Variants in THRB observed in about 807,000 individuals in gnomAD.
THRB encodes the protein nuclear receptor subfamily 1 group A member 2.
THRB carries 12 observed loss-of-function variants against 47.8 expected under a neutral mutation model. The ratio of observed to expected loss-of-function variants is 0.25; its 90% CI spans 0.16 to 0.41. The LOEUF (loss-of-function observed/expected upper bound fraction) is 0.41. Ranked by LOEUF, THRB falls within the 10% of genes least tolerant of loss-of-function variation. The pLI, the probability that THRB is intolerant of heterozygous loss-of-function variation, is 1.00. For synonymous variants in THRB, 218 were observed against 212.2 expected, an observed-to-expected ratio of 1.03 and a Z score of -0.24; for missense variants, 348 against 589.2, an observed-to-expected ratio of 0.59 and a Z score of 4.24.
chr3:24,461,931 A>C (rs1361189645), intron 1 of THRB, among the ~76,000 whole-genome samples: 1 of 152,208 alleles, frequency 6.6e-6, no homozygotes, highest in East Asian at 1.9e-4. Context: ...TTTAAAGAAT[A>C]ATATTCAATG....
intron 8 of THRB, among the ~76,000 whole-genome samples, chr3:24,138,597 C>G (rs2035009518): frequency 1.3e-5 from 2 of 152,194 alleles, no homozygotes; most frequent in Admixed American, 1.3e-4. Context: ...CCTTGGCTGT[C>G]TGGTTCCAAT....
intron 3 of THRB, among the ~76,000 whole-genome samples, chr3:24,282,743 TAAA>T (rs2054758627): frequency 6.7e-6 from 1 of 149,014 alleles, no homozygotes; most frequent in African/African-American, 2.6e-5. Context: ...TAAAAAATGA[TAAA>T]GAGGATATCA....
chr3:24,135,468 G>A (rs954068020), intron 8 of THRB, among the ~76,000 whole-genome samples: 6 of 151,936 alleles, frequency 3.9e-5, no homozygotes, highest in African/African-American at 9.7e-5. Flanking sequence ...GGTTTCTGTC[G>A]TGTTTCACAA....
intron 1 of THRB, among the ~76,000 whole-genome samples, chr3:24,489,553 G>A (rs987363685): frequency 6.6e-6 from 1 of 152,182 alleles, no homozygotes; most frequent in East Asian, 1.9e-4. Context: ...GACAGTCAAG[G>A]TTCCTAGGTC....
intron 1 of THRB, among the ~76,000 whole-genome samples, chr3:24,471,040 G>A (rs934284979): frequency 1.3e-5 from 2 of 152,182 alleles, no homozygotes; most frequent in Admixed American, 6.5e-5. Flanking sequence ...AATATTAACT[G>A]GTTGCCTGAA....
chr3:24,213,425 A>G (rs2046261698), intron 4 of THRB, among the ~76,000 whole-genome samples: 1 of 152,180 alleles, frequency 6.6e-6, no homozygotes, highest in South Asian at 2.1e-4. Flanking sequence ...CTTTGGAAGG[A>G]GAGGAAACTT....
intron 9 of THRB, among the ~76,000 whole-genome samples, chr3:24,132,499 C>T (rs2034018999): frequency 6.6e-6 from 1 of 152,192 alleles, no homozygotes; most frequent in African/African-American, 2.4e-5. Flanking sequence ...TTCAACAGCT[C>T]TAAGAGGTAG....
At chr3:24,456,141 C>T (rs1487150604) in intron 1 of THRB, among the ~76,000 whole-genome samples, 1 of 151,908 alleles carries the variant, frequency 6.6e-6, no homozygotes, top group Non-Finnish European at 1.5e-5. Context: ...CCAGCCTGGG[C>T]AACATAGTGA....
intron 3 of THRB, among the ~76,000 whole-genome samples, chr3:24,269,115 C>T (rs538207489): frequency 3.3e-5 from 5 of 152,168 alleles, no homozygotes; most frequent in African/African-American, 1.2e-4. Flanking sequence ...CAGTCATTTT[C>T]CCACAATTAT....
At chr3:24,224,879 C>T (rs2150044681) in intron 4 of THRB, among the ~76,000 whole-genome samples, 1 of 152,266 alleles carries the variant, frequency 6.6e-6, no homozygotes, top group Non-Finnish European at 1.5e-5. Flanking sequence ...ACGTGACTTG[C>T]TTAGTTAACT....
At chr3:24,244,168 CTG>C (rs1016920424) in intron 3 of THRB, among the ~76,000 whole-genome samples, 1 of 152,034 alleles carries the variant, frequency 6.6e-6, no homozygotes, top group African/African-American at 2.4e-5. Flanking sequence ...TGAAAGGAGA[CTG>C]TGGTGACGGC....
At chr3:24,436,415 T>A (rs1028621106) in intron 1 of THRB, among the ~76,000 whole-genome samples, 28 of 152,150 alleles carry the variant, frequency 1.8e-4, no homozygotes, top group African/African-American at 6.5e-4. Context: ...CACGACTTGA[T>A]CATGAAAGAC....
At chr3:24,320,263 A>C (rs999732568) in intron 2 of THRB, among the ~76,000 whole-genome samples, 4 of 152,240 alleles carry the variant, frequency 2.6e-5, no homozygotes, top group African/African-American at 9.6e-5. Flanking sequence ...ATGCCTGTCC[A>C]ATCGAAAGGA....
At chr3:24,329,867 G>A (rs1197623653) in intron 2 of THRB, among the ~76,000 whole-genome samples, 1 of 152,226 alleles carries the variant, frequency 6.6e-6, no homozygotes, top group East Asian at 1.9e-4. Flanking sequence ...TTAAAGTGCA[G>A]ATTCTCAGGC....
At chr3:24,223,770 A>G (rs760772541) in intron 4 of THRB, among the ~76,000 whole-genome samples, 8 of 152,178 alleles carry the variant, frequency 5.3e-5, no homozygotes, top group Non-Finnish European at 1.2e-4. Flanking sequence ...TGTTTAAGAT[A>G]GAAAATGAAT....
In THRB at chr3:24,277,516, C is replaced by T. The variant is rs746543612; in HGVS notation, c.-43+19710G>A. Among the ~76,000 whole-genome samples the T allele has an allele frequency of 2.0e-4, 31 of 152,228 alleles. 1 individual carries two copies. Among genetic ancestry groups the T allele is most frequent in the Non-Finnish European group, 3.4e-4 (23 of 68,012 alleles). The stretch of plus-strand genomic sequence containing the variant: ...GAATTTGCATCTCTAACAAGTTCCC[C>T]GGTGATGCTGATGCTGCTGGTTGGG... On this transcript the variant is annotated intron_variant, in intron 3 of 10. Coordinates refer to ENST00000646209, the MANE Select transcript of THRB (RefSeq NM_001354712.2).
At chr3:24,456,591 TATTA>T (rs992871132) in intron 1 of THRB, among the ~76,000 whole-genome samples, 3 of 150,970 alleles carry the variant, frequency 2.0e-5, no homozygotes, top group African/African-American at 7.3e-5. Flanking sequence ...ATATTAAAAA[TATTA>T]ATTAAAACAT....
intron 5 of THRB, chr3:24,165,604 A>T (rs904367367): frequency 2.1e-5 from 9 of 433,896 alleles, no homozygotes; most frequent in Non-Finnish European, 2.9e-5. Context: ...TGCCATCCAA[A>T]CATATTGGAA....
chr3:24,317,444 T>C (rs944664295), intron 2 of THRB, among the ~76,000 whole-genome samples: 2 of 152,152 alleles, frequency 1.3e-5, no homozygotes, highest in Non-Finnish European at 2.9e-5. Context: ...CTCGCTTGAT[T>C]TCAACGAGCA....
Sources: allele counts gnomAD v4.1 joint callset (sites outside exome capture counted in the v4.1 genomes callset), GRCh38; gene constraint gnomAD v4.1.1; transcripts MANE v1.5; gene names NCBI Gene and HGNC (gene_info 2026-07-23, HGNC 2026-07-21).